RBFOX1: variants seen among roughly 807,000 people sequenced by gnomAD.
RBFOX1 encodes RNA binding protein fox-1 homolog 1.
RBFOX1 carries 8 observed loss-of-function variants against 57.7 expected under a neutral mutation model. That is an observed-to-expected ratio of 0.14 (90% CI 0.08 to 0.25). RBFOX1 has a LOEUF of 0.25. Among genes scored for constraint, RBFOX1 ranks in the 10% least tolerant of loss-of-function variants. The pLI, the probability that RBFOX1 is intolerant of heterozygous loss-of-function variation, is 1.00. For synonymous variants in RBFOX1, 326 were observed against 222.4 expected, an observed-to-expected ratio of 1.47 and a Z score of -4.15; for missense variants, 611 against 548.5, an observed-to-expected ratio of 1.11 and a Z score of -1.14.
At chr16:6,034,025 G>C (rs1172822276) in intron 1 of RBFOX1, among the ~76,000 whole-genome samples, 2 of 152,082 alleles carry the variant, frequency 1.3e-5, no homozygotes, top group Non-Finnish European at 2.9e-5. Flanking sequence ...TGCTTATCCA[G>C]GGTGATTTAG....
chr16:5,643,427 A>T (rs2048945551), intron 3 of RBFOX1, among the ~76,000 whole-genome samples: 1 of 152,144 alleles, frequency 6.6e-6, no homozygotes, highest in Non-Finnish European at 1.5e-5. Context: ...CATGTTCTCC[A>T]AGGAAGACAA....
chr16:7,425,092 GT>G (rs562135975), intron 4 of RBFOX1, among the ~76,000 whole-genome samples: 5 of 151,998 alleles, frequency 3.3e-5, no homozygotes, highest in Admixed American at 1.3e-4. Context: ...TTTAAAATAT[GT>G]TTTTTTTCCA....
chr16:7,067,424 T>C (rs888041643), intron 4 of RBFOX1, among the ~76,000 whole-genome samples: 1 of 152,146 alleles, frequency 6.6e-6, no homozygotes, highest in Non-Finnish European at 1.5e-5. Flanking sequence ...TGTGTTTCTT[T>C]TGGAGGCTCT....
intron 3 of RBFOX1, among the ~76,000 whole-genome samples, chr16:7,026,673 C>T (rs953378233): frequency 6.6e-6 from 1 of 152,156 alleles, no homozygotes; most frequent in African/African-American, 2.4e-5. Context: ...GAAATACTGT[C>T]CCTGTACCTC....
rs182966073 is a variant in RBFOX1, at chr16:7,093,938, A to T, written c.27+41840A>T. On this transcript the variant is annotated intron_variant, in intron 4 of 15. Coordinates refer to ENST00000550418, the MANE Select transcript of RBFOX1 (RefSeq NM_018723.4). ...TTGGAAAACATAATGGTGTGACTAT[A>T]TAAGGCGTATATAATTTTTTTAAAC... 3.6e-4 allele frequency among the ~76,000 whole-genome samples: 55 copies of T among 152,036 alleles called. 1 individual carries two copies. The highest frequency in any genetic ancestry group is 1.2e-3 in the African/African-American group (51 of 41,478).
chr16:5,532,141 T>A (rs960445384), intron 2 of RBFOX1, among the ~76,000 whole-genome samples: 4 of 152,106 alleles, frequency 2.6e-5, no homozygotes, highest in African/African-American at 9.7e-5. Context: ...TCAACACTAT[T>A]GATGTGGCAG....
At chr16:7,098,619 G>T (rs979615017) in intron 4 of RBFOX1, among the ~76,000 whole-genome samples, 5 of 152,186 alleles carry the variant, frequency 3.3e-5, no homozygotes, top group African/African-American at 1.2e-4. Context: ...AAATTCATTG[G>T]TTTCTTATGG....
intron 1 of RBFOX1, among the ~76,000 whole-genome samples, chr16:6,182,977 A>T (rs112628623): frequency 1.3e-5 from 2 of 152,284 alleles, no homozygotes; most frequent in African/African-American, 4.8e-5. Context: ...ATGAAAAGAA[A>T]CCCAGAAATG....
At chr16:6,025,253 C>T (rs2095167405) in intron 1 of RBFOX1, among the ~76,000 whole-genome samples, 1 of 152,174 alleles carries the variant, frequency 6.6e-6, no homozygotes, top group Non-Finnish European at 1.5e-5. Flanking sequence ...GACGTAGTGA[C>T]ATCTGAAAAG....
intron 4 of RBFOX1, among the ~76,000 whole-genome samples, chr16:7,233,820 C>A (rs953112450): frequency 2.0e-5 from 3 of 152,120 alleles, no homozygotes; most frequent in African/African-American, 7.2e-5. Flanking sequence ...CTAATGGAGT[C>A]TTACTAAGGG....
intron 4 of RBFOX1, among the ~76,000 whole-genome samples, chr16:7,266,812 T>A (rs1409725796): frequency 6.6e-6 from 1 of 152,020 alleles, no homozygotes; most frequent in Non-Finnish European, 1.5e-5. Context: ...AGAGATGAAC[T>A]GGGACAGGAA....
chr16:6,386,900 T>C (rs2092323053), intron 2 of RBFOX1, among the ~76,000 whole-genome samples: 1 of 152,056 alleles, frequency 6.6e-6, no homozygotes, highest in Admixed American at 6.6e-5. Flanking sequence ...AGATATTGGA[T>C]TGTTTGAGGA....
intron 4 of RBFOX1, among the ~76,000 whole-genome samples, chr16:7,517,711 G>T (rs1006407133): frequency 6.6e-6 from 1 of 151,534 alleles, no homozygotes; most frequent in Non-Finnish European, 1.5e-5. Flanking sequence ...GAACACACAC[G>T]TTCAATTTAG....
chr16:6,863,887 A>G (rs1336386064), intron 3 of RBFOX1, among the ~76,000 whole-genome samples: 1 of 151,832 alleles, frequency 6.6e-6, no homozygotes, highest in Non-Finnish European at 1.5e-5. Context: ...AATGTTTATT[A>G]AACAGTTACC....
intron 4 of RBFOX1, among the ~76,000 whole-genome samples, chr16:7,118,128 A>G (rs1052345341): frequency 2.6e-5 from 4 of 152,112 alleles, no homozygotes; most frequent in Non-Finnish European, 4.4e-5. Context: ...TGGTAGATCT[A>G]TTTTTAGCTC....
intron 3 of RBFOX1, among the ~76,000 whole-genome samples, chr16:5,656,674 A>G (rs777919647): frequency 2.6e-5 from 4 of 152,238 alleles, no homozygotes; most frequent in African/African-American, 4.8e-5. Context: ...AGCCATACCC[A>G]AGGATTCTTA....
intron 2 of RBFOX1, among the ~76,000 whole-genome samples, chr16:5,565,727 T>A (rs1276870570): frequency 6.6e-6 from 1 of 152,130 alleles, no homozygotes; most frequent in Non-Finnish European, 1.5e-5. Context: ...AGAGTAAAGC[T>A]TTCCTGGAAT....
intron 2 of RBFOX1, among the ~76,000 whole-genome samples, chr16:6,475,472 T>C (rs2095258025): frequency 1.3e-5 from 2 of 152,226 alleles, no homozygotes; most frequent in South Asian, 4.1e-4. Context: ...TTGTAGACAA[T>C]GCTTGGAAAA....
intron 1 of RBFOX1, among the ~76,000 whole-genome samples, chr16:6,314,928 G>A (rs4577092): frequency 6.6e-6 from 1 of 152,050 alleles, no homozygotes; most frequent in African/African-American, 2.4e-5. Flanking sequence ...TCACCTTTAC[G>A]ATGTCAGCTC....
Sources: gnomAD v4.1 joint callset for allele counts (sites outside exome capture counted in the v4.1 genomes callset) on GRCh38, gnomAD v4.1.1 for gene constraint, MANE v1.5 for transcripts, NCBI Gene and HGNC (gene_info 2026-07-23, HGNC 2026-07-21) for gene names.